ZNF423: variants seen among roughly 807,000 people sequenced by gnomAD.
ZNF423 encodes Ebf-associated zinc finger protein.
Under a neutral mutation model 95.8 loss-of-function variants are expected in ZNF423, and 12 were observed. The observed-to-expected ratio is 0.13, with a 90% CI of 0.08 to 0.20. ZNF423 has a LOEUF of 0.20. ZNF423 is among the 10% of genes least tolerant of loss of function. ZNF423 has a pLI of 1.00. For missense variants in ZNF423, 1,316 were observed against 1,737.1 expected, an observed-to-expected ratio of 0.76 and a Z score of 4.31; for synonymous variants, 749 against 711.9, an observed-to-expected ratio of 1.05 and a Z score of -0.83.
At chr16:49,538,814 C>T (rs1969147447) in intron 5 of ZNF423, among the ~76,000 whole-genome samples, 1 of 152,162 alleles carries the variant, frequency 6.6e-6, no homozygotes, top group Non-Finnish European at 1.5e-5. Flanking sequence ...TTCGTTGCAC[C>T]CAAGTTATTC....
intron 5 of ZNF423, among the ~76,000 whole-genome samples, chr16:49,589,011 GATGC>G (rs1970926371): frequency 1.3e-5 from 2 of 152,348 alleles, no homozygotes; most frequent in Admixed American, 1.3e-4. Flanking sequence ...AATGTGCTTG[GATGC>G]AGCCCCTCTC....
chr16:49,611,103 C>A (rs9934238), intron 5 of ZNF423, among the ~76,000 whole-genome samples: 2 of 151,828 alleles, frequency 1.3e-5, no homozygotes, highest in Non-Finnish European at 2.9e-5. Context: ...AGGACAACTA[C>A]GCAGAAAATC....
intron 1 of ZNF423, among the ~76,000 whole-genome samples, chr16:49,791,431 T>C (rs1256435822): frequency 1.3e-5 from 2 of 152,224 alleles, no homozygotes; most frequent in Admixed American, 6.5e-5. Flanking sequence ...GTTAACAGCA[T>C]TCAATGCTAT....
intron 2 of ZNF423, among the ~76,000 whole-genome samples, chr16:49,766,317 G>A (rs970419942): frequency 3.9e-5 from 6 of 152,150 alleles, no homozygotes; most frequent in South Asian, 2.1e-4. Context: ...CAGGCACAGC[G>A]GATGAGGAAA....
chr16:49,853,997 GAGTGAGC>G, intron 1 of ZNF423: 1 of 985,416 alleles, frequency 1.0e-6, no homozygotes, highest in Non-Finnish European at 1.2e-6. Flanking sequence ...GCTCCTGAAG[GAGTGAGC>G]AGTGAGCCAG....
intron 7 of ZNF423, chr16:49,517,972 G>A (rs1968222415): frequency 2.2e-6 from 1 of 453,238 alleles, no homozygotes; most frequent in South Asian, 1.6e-5. Flanking sequence ...ACGTCGTTTT[G>A]GAAACAAGGT....
At chr16:49,850,219 C>A (rs373331542) in intron 1 of ZNF423, among the ~76,000 whole-genome samples, 118 of 152,312 alleles carry the variant, frequency 7.7e-4, no homozygotes, top group African/African-American at 2.8e-3. Flanking sequence ...TCACTTCACC[C>A]TGCCTCTCCC....
At chr16:49,687,423 C>T (rs930468919) in intron 3 of ZNF423, among the ~76,000 whole-genome samples, 10 of 152,310 alleles carry the variant, frequency 6.6e-5, no homozygotes, top group South Asian at 2.1e-4. Flanking sequence ...TCCCCACACA[C>T]GGGTGCAAAC....
intron 3 of ZNF423, among the ~76,000 whole-genome samples, chr16:49,724,089 G>A (rs569075192): frequency 3.3e-5 from 5 of 152,170 alleles, no homozygotes; most frequent in Non-Finnish European, 5.9e-5. Context: ...CAATAGGTTC[G>A]TTTGGAGGAA....
intron 1 of ZNF423, among the ~76,000 whole-genome samples, chr16:49,793,176 CTCTT>C (rs781489757): frequency 7.3e-5 from 11 of 150,790 alleles, no homozygotes; most frequent in Non-Finnish European, 1.2e-4. Context: ...CACAGCTGCA[CTCTT>C]CTGTCCAGAC....
chr16:49,599,978 A>T (rs1163797114), intron 5 of ZNF423, among the ~76,000 whole-genome samples: 3 of 152,202 alleles, frequency 2.0e-5, no homozygotes, highest in Non-Finnish European at 4.4e-5. Flanking sequence ...GTATCACGCA[A>T]TACCATAAGA....
intron 3 of ZNF423, among the ~76,000 whole-genome samples, chr16:49,729,910 A>C (rs1479651304): frequency 6.6e-6 from 1 of 152,128 alleles, no homozygotes. Flanking sequence ...TTTAGAATGC[A>C]GGCCTGAGAT....
intron 5 of ZNF423, among the ~76,000 whole-genome samples, chr16:49,600,243 T>C (rs957001683): frequency 7.9e-5 from 12 of 151,612 alleles, no homozygotes; most frequent in Non-Finnish European, 1.8e-4. Flanking sequence ...ACCCAGGAGG[T>C]GGATCTCAGC....
At chr16:49,786,405 G>A (rs557584192) in intron 2 of ZNF423, among the ~76,000 whole-genome samples, 2 of 152,222 alleles carry the variant, frequency 1.3e-5, no homozygotes. Flanking sequence ...GCTGGGAAAA[G>A]CAGGGGAGAG....
At chr16:49,671,689 A>T (rs556680951) in intron 3 of ZNF423, among the ~76,000 whole-genome samples, 3 of 151,926 alleles carry the variant, frequency 2.0e-5, no homozygotes, top group East Asian at 3.9e-4. Flanking sequence ...TTTTTTATTT[A>T]TTATTTTTTT....
chr16:49,789,738 A>C (rs1254635341), intron 1 of ZNF423, among the ~76,000 whole-genome samples, 192 bp from the exon 2 acceptor site: 1 of 152,218 alleles, frequency 6.6e-6, no homozygotes, highest in Non-Finnish European at 1.5e-5. Context: ...GGAATAAAAC[A>C]GGAATAGCAA....
At chr16:49,529,016 C>T (rs1294795135) in intron 5 of ZNF423, among the ~76,000 whole-genome samples, 2 of 151,958 alleles carry the variant, frequency 1.3e-5, no homozygotes, top group African/African-American at 4.8e-5. Flanking sequence ...CGGCCGACAC[C>T]TTGGAGCAGA....
intron 7 of ZNF423, among the ~76,000 whole-genome samples, chr16:49,494,553 G>A (rs1967086502): frequency 6.6e-6 from 1 of 152,206 alleles, no homozygotes; most frequent in African/African-American, 2.4e-5. Context: ...TGGGATTAAT[G>A]GTGCAGCTGG....
chr16:49,791,169 G>A (rs182633298), intron 1 of ZNF423, among the ~76,000 whole-genome samples: 2 of 152,232 alleles, frequency 1.3e-5, no homozygotes, highest in African/African-American at 4.8e-5. Context: ...CCCGCATCCT[G>A]AGAGTGGACA....
Sources: gnomAD v4.1 joint callset for allele counts (sites outside exome capture counted in the v4.1 genomes callset) on GRCh38, gnomAD v4.1.1 for gene constraint, MANE v1.5 for transcripts, NCBI Gene and HGNC (gene_info 2026-07-23, HGNC 2026-07-21) for gene names.